The following TMEM26 variants were observed in gnomAD, a reference collection of about 807,000 sequenced individuals.
TMEM26 encodes the protein transmembrane protein 26.
A neutral mutation model predicts 28.8 loss-of-function variants in TMEM26; 38 were observed. The observed-to-expected ratio is 1.32, with a 90% confidence interval of 1.02 to 1.73. The LOEUF is 1.73. Among genes scored for constraint, TMEM26 ranks in the 40% most tolerant of loss-of-function variants. The pLI is 0.00. For synonymous variants in TMEM26, 227 were observed against 182.9 expected (o/e 1.24, Z -1.95); for missense variants, 518 against 447.1 (o/e 1.16, Z -1.43).
In TMEM26 at chr10:61,409,278, C is replaced by T. The variant is rs1589022023; in HGVS notation, c.*1044G>A. The T allele has an allele frequency of 1.3e-5, 2 of 152,326 alleles. No individual in the cohort carries two copies. Among genetic ancestry groups the T allele is most frequent in the East Asian group, 1.9e-4 (1 of 5,176 alleles). 9.4% of individuals were successfully genotyped at this position (152,326 alleles called of 1,614,324 possible). ...GCCTGATTCCCACAACGGGGTAGCACATTCCGACTCCCGTCACTCAACAAG... is the reference window on the plus strand; with the variant it reads ...GCCTGATTCCCACAACGGGGTAGCATATTCCGACTCCCGTCACTCAACAAG... On this transcript the variant is annotated 3_prime_UTR_variant, in exon 6 of 6. Coordinates refer to ENST00000399298, the MANE Select transcript of TMEM26 (RefSeq NM_178505.8).
chr10:61,452,353 C>T (rs1332916117), intron 1 of TMEM26, among the ~76,000 whole-genome samples: 4 of 152,220 alleles, frequency 2.6e-5, no homozygotes, highest in African/African-American at 7.2e-5. Context: ...GAACGCGCGA[C>T]GCGCGCGGCT....
rs1179726753 is a variant in TMEM26, at chr10:61,415,042, GACTTGGTGGACATTGATGGAAGGCTTCTC to G, written c.606-1536_606-1508del. The G allele has an allele frequency of 3.0e-6, 3 of 985,224 alleles. No homozygotes were observed. The East Asian group carries it at 3.4e-4, about 112-fold the overall frequency. The allele number at this position is 985,224 out of a possible 1,614,324, so 61.0% of individuals were successfully genotyped here. A position where few individuals can be genotyped will look rare whatever the true frequency, so the allele number is the denominator to read the frequency against. ...TCTTTTCTACTTCACATTTTATCAT[GACTTGGTGGACATTGATGGAAGGCTTCTC>G]ACATGCACATATGGCATAGAACGTG... On this transcript the variant is annotated intron_variant, in intron 4 of 5. Coordinates refer to ENST00000399298, the MANE Select transcript of TMEM26 (RefSeq NM_178505.8).
chr10:61,424,266 T>C (rs535956751), intron 4 of TMEM26, among the ~76,000 whole-genome samples: 2 of 151,922 alleles, frequency 1.3e-5, no homozygotes, highest in Non-Finnish European at 2.9e-5. Context: ...ATTATAGCAA[T>C]AAAAAATGTG....
At chr10:61,448,424 C>T (rs180960664) in intron 1 of TMEM26, among the ~76,000 whole-genome samples, 63 of 152,214 alleles carry the variant, frequency 4.1e-4, no homozygotes, top group African/African-American at 1.1e-3. Flanking sequence ...CATCTAAAAA[C>T]GGGAGAAAAC....
At chr10:61,435,102 A>G (rs72825290) in intron 2 of TMEM26, among the ~76,000 whole-genome samples, 2,315 of 152,270 alleles carry the variant, frequency 0.015, 19 homozygotes, top group Non-Finnish European at 0.023. Context: ...ACTGCACTCA[A>G]CCTAGAGACT....
chr10:61,441,882 TA>T (rs1246247050), intron 1 of TMEM26, among the ~76,000 whole-genome samples: 1 of 152,184 alleles, frequency 6.6e-6, no homozygotes, highest in Non-Finnish European at 1.5e-5. Context: ...AAAGCCCTCT[TA>T]AAATCTTTCT....
At position 61,453,040 on chromosome 10, in the gene TMEM26, C is replaced by T. The variant is rs769458017; in HGVS notation, c.42G>A (p.Leu14=). ...CGACCAGCGAGTGCAGCAGGAACAG[C>T]AACCGAGTGGCCAGGGCGTTAAGGA... The part of the protein sequence containing the change: ...LVFLNALATR[L]LFLLHSLVGV... Residue 14 remains leucine (L), a synonymous_variant, in exon 1 of 6, where the codon TTG becomes TTA. Coordinates refer to ENST00000399298, the MANE Select transcript of TMEM26 (RefSeq NM_178505.8). The T allele has an allele frequency of 1.2e-6, 2 of 1,613,820 alleles. No individual in the cohort carries two copies. Among genetic ancestry groups the T allele is most frequent in the Non-Finnish European group, 1.7e-6 (2 of 1,180,026 alleles).
At chr10:61,440,444 C>T (rs187023298) in intron 1 of TMEM26, among the ~76,000 whole-genome samples, 1 of 150,924 alleles carries the variant, frequency 6.6e-6, no homozygotes, top group East Asian at 2.0e-4. Flanking sequence ...GGGCCCTGCC[C>T]ACCTCTTGCT....
chr10:61,432,133 T>G (rs1293721108), intron 2 of TMEM26, among the ~76,000 whole-genome samples: 1 of 151,886 alleles, frequency 6.6e-6, no homozygotes, highest in Non-Finnish European at 1.5e-5. Flanking sequence ...ATATAGTATT[T>G]TAAGAGTTTG....
chr10:61,408,194 T>G lies in TMEM26; in HGVS notation c.*2128A>C, dbSNP rs1839519355. The G allele has an allele frequency of 6.6e-6, 1 of 152,226 alleles. No homozygotes were observed. The highest frequency in any genetic ancestry group is 1.5e-5 in the Non-Finnish European group (1 of 68,034). 9.4% of individuals were successfully genotyped at this position (152,226 alleles called of 1,614,324 possible). A position where few individuals can be genotyped will look rare whatever the true frequency, so the allele number is the denominator to read the frequency against. ...ACCTTGCAGAAGCTGGGTCTATTTT[T>G]GCCGCTATTAATTGCCAAGATGGTC... is the stretch of plus-strand genomic sequence containing the variant. On this transcript the variant is annotated 3_prime_UTR_variant, in exon 6 of 6. Coordinates refer to ENST00000399298, the MANE Select transcript of TMEM26 (RefSeq NM_178505.8).
intron 4 of TMEM26, among the ~76,000 whole-genome samples, chr10:61,425,244 C>T (rs1438228567): frequency 6.6e-6 from 1 of 152,100 alleles, no homozygotes; most frequent in Non-Finnish European, 1.5e-5. Flanking sequence ...AAGACCTGCT[C>T]CCGTAACTCA....
intron 2 of TMEM26, among the ~76,000 whole-genome samples, chr10:61,432,537 T>C (rs1839938951): frequency 6.6e-6 from 1 of 151,944 alleles, no homozygotes; most frequent in African/African-American, 2.4e-5. Context: ...AAGTTGAAGG[T>C]TTTTCAAACA....
intron 1 of TMEM26, among the ~76,000 whole-genome samples, chr10:61,442,219 A>T (rs1164451769): frequency 6.6e-6 from 1 of 152,178 alleles, no homozygotes. Flanking sequence ...CTACAAAATG[A>T]TATGTCATGA....
At chr10:61,443,986 C>G (rs1159044362) in intron 1 of TMEM26, among the ~76,000 whole-genome samples, 3 of 152,148 alleles carry the variant, frequency 2.0e-5, no homozygotes, top group Non-Finnish European at 2.9e-5. Context: ...ATGAATTGTT[C>G]CAATTGAAAT....
At chr10:61,441,966 A>G (rs1227311552) in intron 1 of TMEM26, among the ~76,000 whole-genome samples, 1 of 152,044 alleles carries the variant, frequency 6.6e-6, no homozygotes, top group African/African-American at 2.4e-5. Flanking sequence ...TCCCAAGTAC[A>G]CAAGCAGGAG....
At chr10:61,439,889 C>CT (rs1184390518) in intron 1 of TMEM26, among the ~76,000 whole-genome samples, 3 of 152,270 alleles carry the variant, frequency 2.0e-5, no homozygotes, top group Admixed American at 2.0e-4. Context: ...AATTAGGAGA[C>CT]TGTTTCTTTA....
chr10:61,413,927 G>T (rs549224039), intron 4 of TMEM26: 1 of 987,562 alleles, frequency 1.0e-6, no homozygotes, highest in Admixed American at 6.1e-5. Flanking sequence ...TAAGAAACCA[G>T]GGATCGAATT....
At chr10:61,417,948 C>G (rs1564473397) in intron 4 of TMEM26, among the ~76,000 whole-genome samples, 1 of 151,932 alleles carries the variant, frequency 6.6e-6, no homozygotes, top group East Asian at 1.9e-4. Context: ...GAAAATCAAC[C>G]AAAGTCAAAC....
intron 1 of TMEM26, among the ~76,000 whole-genome samples, chr10:61,440,923 G>A (rs893700935): frequency 6.6e-6 from 1 of 152,110 alleles, no homozygotes; most frequent in Non-Finnish European, 1.5e-5. Flanking sequence ...AGATAGTGTA[G>A]TATTTGCATA....
Sources: allele counts gnomAD v4.1 joint callset (sites outside exome capture counted in the v4.1 genomes callset), GRCh38; gene constraint gnomAD v4.1.1; transcripts MANE v1.5; gene names NCBI Gene and HGNC (gene_info 2026-07-23, HGNC 2026-07-21).